KDM4C: variants seen among roughly 807,000 people sequenced by gnomAD.
KDM4C encodes the protein lysine-specific demethylase 4C.
KDM4C carries 81 observed loss-of-function variants against 129.3 expected under a neutral mutation model. That is an observed-to-expected ratio of 0.63 (90% CI 0.52 to 0.75). KDM4C has a LOEUF of 0.75. Among genes scored for constraint, KDM4C ranks in the 30% least tolerant of loss-of-function variants. The probability of loss-of-function intolerance (pLI) is 0.00; values close to 1 mark genes in which losing one functional copy is unlikely to be tolerated. For synonymous variants in KDM4C, 573 were observed against 456.1 expected (o/e 1.26, Z -3.26); for missense variants, 1,457 against 1,304.0 (o/e 1.12, Z -1.81).
chr9:6,744,298 G>A (rs751245105), intron 1 of KDM4C, among the ~76,000 whole-genome samples: 5 of 152,078 alleles, frequency 3.3e-5, no homozygotes, highest in African/African-American at 7.2e-5. Context: ...GGCTGAGACG[G>A]GCAGATCACG....
intron 12 of KDM4C, among the ~76,000 whole-genome samples, chr9:6,995,874 T>A (rs1427407964): frequency 2.8e-5 from 4 of 144,546 alleles, no homozygotes; most frequent in Non-Finnish European, 6.2e-5. Context: ...GGTTTCACTG[T>A]GTTAGCCAGG....
chr9:6,927,127 CTAT>C (rs1822764849), intron 8 of KDM4C, among the ~76,000 whole-genome samples: 1 of 151,000 alleles, frequency 6.6e-6, no homozygotes, highest in Non-Finnish European at 1.5e-5. Flanking sequence ...ATCTATCTAT[CTAT>C]CTATCTATCT....
At chr9:7,132,738 T>A (rs1840778883) in intron 19 of KDM4C, among the ~76,000 whole-genome samples, 1 of 152,180 alleles carries the variant, frequency 6.6e-6, no homozygotes, top group South Asian at 2.1e-4. Flanking sequence ...AAACCTGGGA[T>A]CCTCTAGCAT....
chr9:6,996,674 C>T (rs183494215), intron 12 of KDM4C, among the ~76,000 whole-genome samples: 5 of 152,266 alleles, frequency 3.3e-5, no homozygotes, highest in African/African-American at 7.2e-5. Context: ...CTCTGCTCAG[C>T]GATTCCCACC....
chr9:6,801,239 A>T (rs868521329), intron 2 of KDM4C, among the ~76,000 whole-genome samples: 19 of 65,718 alleles, frequency 2.9e-4, no homozygotes, highest in Admixed American at 7.0e-4. Context: ...GAGTAGGGAA[A>T]TTTTTTTTTT....
Position 6,984,380 on chromosome 9 carries a change from T to G in KDM4C, c.1330T>G (p.Leu444Val). The change falls in exon 10 of 22, where the codon TTA becomes GTA. Residue 444 changes from leucine to valine, a missense_variant. Transcript: ENST00000381309. ...TAGCAGGATGCAGGTGGAGCAGAAT[T>G]TATCAGATCATATCAAACTCTCAGG... ...SASRMQVEQN[L>V]SDHIKLSGNS... The G allele has an allele frequency of 1.9e-6, 3 of 1,612,716 alleles. No individual in the cohort carries two copies. The highest frequency in any genetic ancestry group is 2.5e-6 in the Non-Finnish European group (3 of 1,178,832).
intron 8 of KDM4C, among the ~76,000 whole-genome samples, chr9:6,945,499 T>C (rs1826798962): frequency 6.6e-6 from 1 of 152,186 alleles, no homozygotes. Context: ...AGGGAGAAAG[T>C]GTTGTAAGCT....
At chr9:6,873,199 G>T (rs1372739636) in intron 5 of KDM4C, among the ~76,000 whole-genome samples, 1 of 152,148 alleles carries the variant, frequency 6.6e-6, no homozygotes, top group Admixed American at 6.5e-5. Context: ...GTTTCACCAT[G>T]TTGGCCAGGC....
intron 8 of KDM4C, among the ~76,000 whole-genome samples, chr9:6,970,108 G>A (rs1473451246): frequency 6.6e-6 from 1 of 152,220 alleles, no homozygotes; most frequent in South Asian, 2.1e-4. Flanking sequence ...CAATCAAGGT[G>A]CTCTTTTTAG....
chr9:7,093,394 ACG>A (rs1836035632), intron 17 of KDM4C, among the ~76,000 whole-genome samples: 3 of 152,202 alleles, frequency 2.0e-5, no homozygotes, highest in African/African-American at 7.2e-5. Flanking sequence ...AAATAACAAC[ACG>A]AAAAAAGAAA....
chr9:6,863,274 T>A (rs1841299368), intron 5 of KDM4C, among the ~76,000 whole-genome samples: 1 of 152,188 alleles, frequency 6.6e-6, no homozygotes, highest in African/African-American at 2.4e-5. Flanking sequence ...TGTTTTTCTT[T>A]GGGGCTTCAT....
At chr9:7,118,950 C>A (rs755983669) in intron 18 of KDM4C, among the ~76,000 whole-genome samples, 1 of 152,008 alleles carries the variant, frequency 6.6e-6, no homozygotes, top group Non-Finnish European at 1.5e-5. Context: ...AAGAATCTTC[C>A]CTCATTCTAC....
intron 2 of KDM4C, among the ~76,000 whole-genome samples, chr9:6,801,551 A>T (rs574464907): frequency 1.4e-5 from 2 of 143,548 alleles, no homozygotes; most frequent in South Asian, 4.4e-4. Context: ...CTTGTCTCTT[A>T]AAAAAAAAAG....
Position 7,051,317 on chromosome 9 carries a change from C to T in KDM4C, c.2424+2117C>T, listed in dbSNP as rs1830123985. Among the ~76,000 whole-genome samples, 5 of 152,134 alleles carry T rather than the reference C, an allele frequency of 3.3e-5. No homozygotes were observed. In the South Asian group the frequency reaches 1.0e-3, roughly 32 times the overall value. ...TGGATTCTTTTTCACCAAGAGTCCT[C>T]AGGAAGGAATCATCACCCTTGTGAG... On this transcript the variant is annotated intron_variant, in intron 17 of 21. Coordinates refer to ENST00000381309, the MANE Select transcript of KDM4C (RefSeq NM_015061.6).
chr9:6,987,022 C>A (rs1817842678), intron 11 of KDM4C, among the ~76,000 whole-genome samples: 1 of 152,158 alleles, frequency 6.6e-6, no homozygotes, highest in African/African-American at 2.4e-5. Context: ...ATGCTACCAT[C>A]TTAGAAAACT....
chr9:7,112,745 T>C (rs1054427450), intron 18 of KDM4C, among the ~76,000 whole-genome samples: 2 of 152,226 alleles, frequency 1.3e-5, no homozygotes, highest in African/African-American at 4.8e-5. Flanking sequence ...CATGGCTTGA[T>C]ACTGTCTTCC....
chr9:7,021,097 G>T (rs886984251), intron 15 of KDM4C, among the ~76,000 whole-genome samples: 3 of 148,924 alleles, frequency 2.0e-5, no homozygotes, highest in Non-Finnish European at 3.0e-5. Flanking sequence ...ACACCTGTTT[G>T]TCATTTGTAC....
chr9:7,032,979 C>T (rs1328860523), intron 15 of KDM4C, among the ~76,000 whole-genome samples: 1 of 152,124 alleles, frequency 6.6e-6, no homozygotes, highest in East Asian at 1.9e-4. Flanking sequence ...TGGATAACGT[C>T]TTGAATTCAA....
chr9:6,796,145 C>CA (rs1022906500), intron 2 of KDM4C, among the ~76,000 whole-genome samples: 13 of 151,510 alleles, frequency 8.6e-5, no homozygotes, highest in Non-Finnish European at 1.5e-4. Flanking sequence ...GTTAGCTCAT[C>CA]AAAAAAAAAT....
Sources: allele counts gnomAD v4.1 joint callset (sites outside exome capture counted in the v4.1 genomes callset), GRCh38; gene constraint gnomAD v4.1.1; transcripts MANE v1.5; gene names NCBI Gene and HGNC (gene_info 2026-07-23, HGNC 2026-07-21).